Variants in TONSL observed in about 807,000 individuals in gnomAD.
TONSL encodes the protein tonsoku-like protein.
In TONSL, 112 loss-of-function variants were observed where a neutral mutation model predicts 147.1. That is an observed-to-expected ratio of 0.76 (90% CI 0.65 to 0.89). The LOEUF (loss-of-function observed/expected upper bound fraction) is 0.89, where lower values mean the gene tolerates loss of function less well. Ranked by LOEUF, TONSL falls within the 40% of genes least tolerant of loss-of-function variation. The probability of loss-of-function intolerance (pLI) is 0.00; values close to 1 mark genes in which losing one functional copy is unlikely to be tolerated. For synonymous variants in TONSL, 868 were observed against 801.5 expected (o/e 1.08, Z -1.40); for missense variants, 1,883 against 1,864.6 (o/e 1.01, Z -0.18).
At chr8:144,442,511 T>C (rs970153529) in intron 5 of TONSL, 99 bp from the exon 6 acceptor site, 58 of 1,481,844 alleles carry the variant, frequency 3.9e-5, no homozygotes, top group Non-Finnish European at 5.0e-5. Context: ...CTCAGGGCCC[T>C]AACCATGCCT....
At chr8:144,440,635 C>T in intron 9 of TONSL, 83 bp downstream of exon 9, 6 of 1,545,974 alleles carry the variant, frequency 3.9e-6, no homozygotes, top group South Asian at 1.2e-5. Context: ...GTAAGGACAC[C>T]TGTCCATGGC....
At chr8:144,442,555 G>A (rs1170586836) in intron 5 of TONSL, 122 bp downstream of exon 5, 9 of 1,493,702 alleles carry the variant, frequency 6.0e-6, no homozygotes, top group Admixed American at 4.0e-5. Flanking sequence ...AGGTGTGAGA[G>A]GTGGGGGGAT....
In TONSL at chr8:144,442,283, C is replaced by A; in HGVS notation, c.708G>T (p.Arg236Ser). Reference sequence around the variant, plus strand: ...AGCACTCGCTCTCCATGAACCGCTTCCTCATGGTGTGCGCACACTCCCGGG... The same window carrying A: ...AGCACTCGCTCTCCATGAACCGCTTACTCATGGTGTGCGCACACTCCCGGG... Reference protein sequence around the residue: ...EGARECAHTMRKRFMESECCV... With the variant: ...EGARECAHTMSKRFMESECCV... Residue 236 changes from arginine (R) to serine (S), a missense_variant, in exon 6 of 26, where the codon AGG becomes AGT. Transcript: ENST00000409379. 6.3e-7 allele frequency: 1 copy of A among 1,596,820 alleles called. No individual in the cohort carries two copies. Among genetic ancestry groups the A allele is most frequent in the Non-Finnish European group, 8.6e-7 (1 of 1,167,938 alleles).
chr8:144,435,275 C>G (rs1395380301), intron 18 of TONSL, 105 bp from the exon 19 acceptor site: 1 of 1,404,374 alleles, frequency 7.1e-7, no homozygotes, highest in Non-Finnish European at 9.4e-7. Flanking sequence ...AGCTGCTTCT[C>G]CCATTCCCAG....
chr8:144,430,227 G>A (rs1468508501), intron 25 of TONSL, among the ~76,000 whole-genome samples, 177 bp downstream of exon 25: 1 of 152,156 alleles, frequency 6.6e-6, no homozygotes, highest in Non-Finnish European at 1.5e-5. Context: ...TTAGGAGCTG[G>A]GATCATGCCC....
intron 10 of TONSL, 66 bp downstream of exon 10, chr8:144,440,285 G>A: frequency 1.9e-6 from 3 of 1,559,626 alleles, no homozygotes; most frequent in Non-Finnish European, 2.6e-6. Flanking sequence ...GGGCACAAGG[G>A]GCAGGCAGGC....
At chr8:144,437,216 T>C in intron 13 of TONSL, 117 bp from the exon 14 acceptor site, 1 of 1,005,542 alleles carries the variant, frequency 9.9e-7, no homozygotes, top group Non-Finnish European at 1.5e-6. Context: ...CCAGAGCAAG[T>C]CCGTGGCCCT....
chr8:144,435,209 AGCCGGGGTAAT>A (rs1385541063), intron 18 of TONSL, 39 bp from the exon 19 acceptor site: 5 of 1,457,530 alleles, frequency 3.4e-6, no homozygotes, highest in Non-Finnish European at 4.5e-6. Flanking sequence ...GCCTGCACAC[AGCCGGGGTAAT>A]GCCCCAGGGA....
rs767290769 is a variant in TONSL at position 144,435,973 on chromosome 8, G to A, written c.2460C>T (p.Pro820=). ...CCTCCTCCGGGATGAGCGCTGCCTG[G>A]GGGGCAAGGGCTTTGCTGTGGCCCC... ...PPRGHSKALA[P]QAALIPEEEC... is the part of the protein sequence containing the mutation. The change falls in exon 17 of 26, where the codon CCC becomes CCT. Residue 820 remains proline (P), a synonymous_variant. Transcript: ENST00000409379. 6.4e-7 allele frequency: 1 copy of A among 1,555,164 alleles called. No individual in the cohort carries two copies. The highest frequency in any genetic ancestry group is 8.7e-7 in the Non-Finnish European group (1 of 1,151,002).
Position 144,436,883 on chromosome 8 carries a change from C to T in TONSL, c.1764G>A (p.Val588=). ...CGCAGCCCTGGCCACCTGGGTCGTC[C>T]ACTGCGGCCCCGTGGTCCAGCAGGA... ...VRFLLDHGAA[V]DDPGGQGCEG... Residue 588 remains valine (V), a synonymous_variant, in exon 15 of 26, where the codon GTG becomes GTA. Coordinates refer to ENST00000409379, the MANE Select transcript of TONSL (RefSeq NM_013432.5). The T allele has an allele frequency of 2.5e-6, 4 of 1,609,038 alleles. No individual in the cohort carries two copies. The highest frequency in any genetic ancestry group is 3.4e-6 in the Non-Finnish European group (4 of 1,179,426).
At position 144,440,210 on chromosome 8, in the gene TONSL, T is replaced by C. The variant is rs1459928273; in HGVS notation, c.1291A>G (p.Arg431Gly). 1.3e-6 allele frequency: 2 copies of C among 1,591,180 alleles called. No homozygotes were observed. The highest frequency in any genetic ancestry group is 8.6e-7 in the Non-Finnish European group (1 of 1,168,416). ...AQQAQRPQLQ[R>G]QVLQHLHTVQ... ...GTATGGAGATGCTGCAAGACCTGCC[T>C]CTGAGGAGCAGAGGGATGCTCAGCT... Residue 431 changes from arginine (R) to glycine (G), a missense_variant and splice_region_variant, in exon 11 of 26, where the codon AGG becomes GGG. Physicochemically the swap from Arg to Gly is moderately radical, Grantham distance 125. Coordinates refer to ENST00000409379, the MANE Select transcript of TONSL (RefSeq NM_013432.5).
At position 144,443,253 on chromosome 8, in the gene TONSL, G is replaced by A. The variant is rs1823787648; in HGVS notation, c.333C>T (p.Ala111=). Residue 111 remains alanine (A), a synonymous_variant, in exon 4 of 26, where the codon GCC becomes GCT. Coordinates refer to ENST00000409379, the MANE Select transcript of TONSL (RefSeq NM_013432.5). ...RNHTELQRAW[A]TIGRTHLDIY... The stretch of plus-strand genomic sequence containing the variant: ...TGTCCAGGTGGGTGCGGCCGATGGT[G>A]GCCCAGGCCCTCTGCAGCTCCGTGT... 1.9e-6 allele frequency: 3 copies of A among 1,550,812 alleles called. No individual in the cohort carries two copies. Among genetic ancestry groups the A allele is most frequent in the Non-Finnish European group, 2.6e-6 (3 of 1,146,982 alleles).
In TONSL at chr8:144,440,431, C is replaced by T. The variant is rs780347294; in HGVS notation, c.1210G>A (p.Gly404Ser). Residue 404 changes from glycine (G) to serine (S), a missense_variant, in exon 10 of 26, where the codon GGC becomes AGC. Physicochemically the swap from Gly to Ser is moderately conservative, Grantham distance 56 (BLOSUM62 0). Coordinates refer to ENST00000409379, the MANE Select transcript of TONSL (RefSeq NM_013432.5). ...LNIALSREEA[G>S]DAYELLAPCF... ...GGGGCCAGCAGCTCGTAGGCATCGC[C>T]GGCCTCCTCGCGGGACAGTGCAATG... 1.9e-5 allele frequency: 30 copies of T among 1,608,564 alleles called. No individual in the cohort carries two copies. Among genetic ancestry groups the T allele is most frequent in the Admixed American group, 1.7e-4 (10 of 59,854 alleles).
intron 7 of TONSL, chr8:144,441,694 C>T (rs559280579): frequency 5.3e-4 from 153 of 289,308 alleles, no homozygotes; most frequent in Non-Finnish European, 6.5e-4. Flanking sequence ...TCCTGGACCA[C>T]GCGTGCCATC....
At chr8:144,434,911 C>G in intron 19 of TONSL, 22 bp from the exon 20 acceptor site, 2 of 1,612,996 alleles carry the variant, frequency 1.2e-6, no homozygotes, top group Non-Finnish European at 1.7e-6. Context: ...CGTCATGAGC[C>G]ACCTGGGGGC....
chr8:144,433,381 G>A (rs1489678222), intron 22 of TONSL: 6 of 559,128 alleles, frequency 1.1e-5, no homozygotes, highest in African/African-American at 3.9e-5. Context: ...CGGCCTAGAC[G>A]CTTTTTTCTT....
At position 144,436,923 on chromosome 8, in the gene TONSL, G is replaced by T; in HGVS notation, c.1727-3C>A. 6.2e-7 allele frequency: 1 copy of T among 1,608,980 alleles called. No homozygotes were observed. ...GTCCAGCAGGAAGCGGACAATTTCT[G>T]CAGACCAGGAGACGTAAGCCCAGCT... is the stretch of plus-strand genomic sequence containing the variant. On this transcript the variant is annotated splice_polypyrimidine_tract_variant and splice_region_variant and intron_variant, in intron 14 of 25. Transcript: ENST00000409379.
At chr8:144,434,947 C>T (rs925168321) in intron 19 of TONSL, 58 bp from the exon 20 acceptor site, 1 of 1,611,794 alleles carries the variant, frequency 6.2e-7, no homozygotes, top group Non-Finnish European at 8.5e-7. Context: ...CATCATTGCT[C>T]TGCAGCCATG....
intron 13 of TONSL, chr8:144,438,102 G>C (rs1299464104): frequency 3.7e-6 from 1 of 268,988 alleles, no homozygotes; most frequent in Non-Finnish European, 7.2e-6. Context: ...GGTCTTGCCA[G>C]GGTGCCCAGG....
Sources: allele counts gnomAD v4.1 joint callset (sites outside exome capture counted in the v4.1 genomes callset), GRCh38; gene constraint gnomAD v4.1.1; transcripts MANE v1.5; gene names NCBI Gene and HGNC (gene_info 2026-07-23, HGNC 2026-07-21).